The following GLT8D2 variants were observed in gnomAD, a reference collection of about 807,000 sequenced individuals.
The protein encoded by GLT8D2 is glycosyltransferase 8 domain-containing protein 2.
A neutral mutation model predicts 44.5 loss-of-function variants in GLT8D2; 45 were observed. The observed-to-expected ratio is 1.01, with a 90% CI of 0.80 to 1.30. The LOEUF is 1.30. Ranked by LOEUF, GLT8D2 falls within the 50% of genes most tolerant of loss-of-function variation. GLT8D2 has a pLI of 0.00. For synonymous variants in GLT8D2, 156 were observed against 157.2 expected (o/e 0.99, Z 0.06); for missense variants, 400 against 430.4 (o/e 0.93, Z 0.62).
At position 103,998,939 on chromosome 12, in the gene GLT8D2, G is replaced by A. The variant is rs377376467; in HGVS notation, c.402+458C>T. ...ATTTCCAATGCTAGGAAAAGAGATGGTGTCTCCTGAATATATTATCTTAGT... is the reference window on the plus strand; with the variant it reads ...ATTTCCAATGCTAGGAAAAGAGATGATGTCTCCTGAATATATTATCTTAGT... On this transcript the variant is annotated intron_variant, in intron 6 of 10. Coordinates refer to ENST00000360814, the MANE Select transcript of GLT8D2 (RefSeq NM_001384711.1). Among the ~76,000 whole-genome samples the A allele has an allele frequency of 4.6e-5, 7 of 152,268 alleles. No individual in the cohort carries two copies. In the East Asian group the frequency reaches 7.7e-4, roughly 17 times the overall value.
chr12:104,001,187 C>A (rs1874168794), intron 5 of GLT8D2, among the ~76,000 whole-genome samples: 1 of 152,176 alleles, frequency 6.6e-6, no homozygotes, highest in African/African-American at 2.4e-5. Context: ...TAACAATATG[C>A]CTTGGGAATC....
At chr12:104,024,115 C>T (rs1458035080) in intron 1 of GLT8D2, among the ~76,000 whole-genome samples, 1 of 152,188 alleles carries the variant, frequency 6.6e-6, no homozygotes, top group Non-Finnish European at 1.5e-5. Context: ...GCTGCCGTGG[C>T]TCATGCCTAT....
upstream of GLT8D2, among the ~76,000 whole-genome samples, chr12:104,052,853 G>A (rs370023449): frequency 1.3e-4 from 20 of 152,126 alleles, no homozygotes; most frequent in South Asian, 8.3e-4. Flanking sequence ...TCAGCCTCCC[G>A]AGTAGCTGGG....
intron 1 of GLT8D2, chr12:104,031,381 T>C: frequency 6.2e-7 from 1 of 1,608,968 alleles, no homozygotes; most frequent in Middle Eastern, 1.9e-4. Context: ...AGGGTCTCTC[T>C]GAAGAGGCTA....
chr12:104,001,531 C>A (rs1874218333), intron 5 of GLT8D2, among the ~76,000 whole-genome samples: 1 of 152,128 alleles, frequency 6.6e-6, no homozygotes, highest in Non-Finnish European at 1.5e-5. Context: ...GCCCATTTTC[C>A]TGCACTGGGT....
intron 1 of GLT8D2, among the ~76,000 whole-genome samples, chr12:104,060,412 A>T (rs1882543189): frequency 6.6e-6 from 1 of 152,226 alleles, no homozygotes. Context: ...CCTCAAGGAC[A>T]GATTACTCAA....
chr12:104,016,811 G>GA (rs1385694431), intron 3 of GLT8D2, among the ~76,000 whole-genome samples: 129 of 112,118 alleles, frequency 1.2e-3, no homozygotes, highest in East Asian at 9.3e-3. Flanking sequence ...AGGAAGGAAA[G>GA]AAAGAAAGAG....
At position 104,026,720 on chromosome 12, in the gene GLT8D2, T is replaced by G. The variant is rs1458203663; in HGVS notation, c.-163-5229A>C. Among the ~76,000 whole-genome samples, 7 of 152,220 alleles carry G rather than the reference T, an allele frequency of 4.6e-5. No individual in the cohort carries two copies. The East Asian group carries it at 1.3e-3, about 29-fold the overall frequency. ...CACATTTTTATGGTCATTCACTTGT[T>G]TGTGACATTTTGCCAATTACCCCAG... On this transcript the variant is annotated intron_variant, in intron 1 of 10. Transcript: ENST00000360814.
At chr12:103,998,897 C>T (rs578013632) in intron 6 of GLT8D2, among the ~76,000 whole-genome samples, 13 of 152,282 alleles carry the variant, frequency 8.5e-5, no homozygotes, top group South Asian at 6.2e-4. Context: ...AGAACTCTTG[C>T]AGTAAAATAC....
intron 1 of GLT8D2, among the ~76,000 whole-genome samples, chr12:104,058,954 G>A (rs1044231385): frequency 6.6e-6 from 1 of 152,148 alleles, no homozygotes; most frequent in Admixed American, 6.5e-5. Flanking sequence ...ATTACGAATG[G>A]GCAGGTGGCA....
chr12:104,013,871 G>T (rs1876183441), intron 4 of GLT8D2, among the ~76,000 whole-genome samples: 2 of 152,142 alleles, frequency 1.3e-5, no homozygotes, highest in Admixed American at 6.6e-5. Flanking sequence ...CTCCCAAGTA[G>T]CTGGGACTAT....
chr12:104,012,864 T>C (rs528441152), intron 4 of GLT8D2: 2 of 691,866 alleles, frequency 2.9e-6, no homozygotes, highest in African/African-American at 3.5e-5. Flanking sequence ...ACACAGAGGG[T>C]CACAGCCAGG....
chr12:104,021,921 GAAGAAGAAGAAGAAGAAGAAGAA>G lies in GLT8D2; in HGVS notation c.-163-453_-163-431del, dbSNP rs1877768904. Among the ~76,000 whole-genome samples the G allele has an allele frequency of 1.8e-3, 53 of 28,896 alleles. 1 individual carries two copies. Among genetic ancestry groups the G allele is most frequent in the East Asian group, 7.0e-3 (5 of 718 alleles). The allele number at this position is 28,896 out of a possible 152,430, so 19.0% of individuals were successfully genotyped here. On this transcript the variant is annotated intron_variant, in intron 1 of 10. Transcript: ENST00000360814. The stretch of plus-strand genomic sequence containing the variant: ...AGAAGAAGAAGAAGAAGAAGAAGAA[GAAGAAGAAGAAGAAGAAGAAGAA>G]GAAGAAGAAGAGGAAGAAGAGGAAG...
chr12:104,020,159 C>A (rs1211083318), intron 2 of GLT8D2, among the ~76,000 whole-genome samples: 1 of 151,998 alleles, frequency 6.6e-6, no homozygotes, highest in East Asian at 1.9e-4. Flanking sequence ...TAGCCTCAAG[C>A]AATCCATCCA....
rs200147212 is a variant in GLT8D2, at chr12:104,016,826, A to AAAAGAAAGAAAGAAAGAAAG, written c.20-1741_20-1722dup. ...AGGAAGGAAAGAAAGAAAGAGAAAG[A>AAAAGAAAGAAAGAAAGAAAG]AAAGAAAGAAAGAAAGAAAGAAAGA... On this transcript the variant is annotated intron_variant, in intron 3 of 10. Transcript: ENST00000360814. Among the ~76,000 whole-genome samples, 143 of 72,526 alleles carry AAAAGAAAGAAAGAAAGAAAG rather than the reference A, an allele frequency of 2.0e-3. 1 individual carries two copies. The highest frequency in any genetic ancestry group is 6.6e-3 in the East Asian group (15 of 2,266). The allele number at this position is 72,526 out of a possible 152,430, so 47.6% of individuals were successfully genotyped here.
chr12:104,016,826 A>AAAAGAAAAG (rs1555278981), intron 3 of GLT8D2, among the ~76,000 whole-genome samples: 3 of 72,498 alleles, frequency 4.1e-5, no homozygotes, highest in Non-Finnish European at 5.3e-5. Context: ...AAAGAGAAAG[A>AAAAGAAAAG]AAAGAAAGAA....
intron 1 of GLT8D2, among the ~76,000 whole-genome samples, chr12:104,040,454 C>A (rs953924235): frequency 1.3e-5 from 2 of 152,094 alleles, no homozygotes; most frequent in African/African-American, 4.8e-5. Flanking sequence ...GGGACGAAGT[C>A]TTGTTCTGTC....
chr12:104,009,031 G>C (rs1375987121), intron 4 of GLT8D2, among the ~76,000 whole-genome samples: 1 of 152,268 alleles, frequency 6.6e-6, no homozygotes, highest in African/African-American at 2.4e-5. Context: ...CTAGGGCAGT[G>C]CAGAAGGGAA....
At chr12:104,058,252 G>A (rs776820772) in intron 1 of GLT8D2, among the ~76,000 whole-genome samples, 1 of 152,176 alleles carries the variant, frequency 6.6e-6, no homozygotes, top group African/African-American at 2.4e-5. Flanking sequence ...ACTTTTTACA[G>A]TGTACAGACT....
Sources: gnomAD v4.1 joint callset for allele counts (sites outside exome capture counted in the v4.1 genomes callset) on GRCh38, gnomAD v4.1.1 for gene constraint, MANE v1.5 for transcripts, NCBI Gene and HGNC (gene_info 2026-07-23, HGNC 2026-07-21) for gene names.